ERI1: variants seen among roughly 807,000 people sequenced by gnomAD.
ERI1 encodes exoribonuclease 1.
ERI1 carries 39 observed loss-of-function variants against 39.7 expected under a neutral mutation model. The observed-to-expected ratio is 0.98, with a 90% confidence interval of 0.76 to 1.28. ERI1 has a LOEUF of 1.28. ERI1 is among the 50% of genes most tolerant of loss of function. The probability of loss-of-function intolerance (pLI) is 0.00; values close to 1 mark genes in which losing one functional copy is unlikely to be tolerated. For synonymous variants in ERI1, 204 were observed against 149.6 expected, an observed-to-expected ratio of 1.36 and a Z score of -2.65; for missense variants, 581 against 416.9, an observed-to-expected ratio of 1.39 and a Z score of -3.43.
chr8:9,043,601 C>G (rs1798089150), intron 3 of ERI1, among the ~76,000 whole-genome samples: 1 of 152,168 alleles, frequency 6.6e-6, no homozygotes, highest in South Asian at 2.1e-4. Flanking sequence ...ATAGATAGTT[C>G]TAGAAAATTA....
At chr8:9,035,983 G>T (rs771736180), downstream of ERI1, among the ~76,000 whole-genome samples, 2 of 152,106 alleles carry the variant, frequency 1.3e-5, no homozygotes, top group Non-Finnish European at 2.9e-5. Context: ...CTGCTGATGT[G>T]GTGGAAATAC....
intron 2 of ERI1, among the ~76,000 whole-genome samples, chr8:9,008,624 T>G (rs938568661): frequency 3.9e-5 from 6 of 152,248 alleles, no homozygotes; most frequent in African/African-American, 1.4e-4. Flanking sequence ...GCATTATGTT[T>G]CACTGTATAT....
intron 1 of ERI1, chr8:9,004,365 T>C (rs998993534): frequency 1.2e-5 from 11 of 935,106 alleles, no homozygotes; most frequent in Non-Finnish European, 1.5e-5. Flanking sequence ...ATATGCTTCT[T>C]TATATTTGAA....
At chr8:9,009,598 G>C (rs1816448379) in intron 2 of ERI1, among the ~76,000 whole-genome samples, 1 of 152,096 alleles carries the variant, frequency 6.6e-6, no homozygotes, top group Non-Finnish European at 1.5e-5. Flanking sequence ...GGAGTGCAGT[G>C]GTGTGATCTC....
intron 6 of ERI1, among the ~76,000 whole-genome samples, chr8:9,026,852 C>G (rs555072877): frequency 3.6e-5 from 5 of 138,974 alleles, no homozygotes; most frequent in African/African-American, 1.1e-4. Flanking sequence ...TTAACCTGTA[C>G]CACGTTAAAA....
chr8:9,009,795 G>T (rs1816473305), intron 2 of ERI1, among the ~76,000 whole-genome samples: 1 of 152,160 alleles, frequency 6.6e-6, no homozygotes, highest in Admixed American at 6.5e-5. Flanking sequence ...CCCTCCCAAA[G>T]TGCTGAGATT....
chr8:9,059,075 G>A (rs1158851469), intron 3 of ERI1, among the ~76,000 whole-genome samples: 3 of 152,046 alleles, frequency 2.0e-5, no homozygotes, highest in East Asian at 3.9e-4. Flanking sequence ...GAAAAAGCGG[G>A]GTTGTTCTCT....
At chr8:9,062,184 A>T (rs1402194041) in intron 3 of ERI1, among the ~76,000 whole-genome samples, 2 of 152,092 alleles carry the variant, frequency 1.3e-5, no homozygotes, top group Middle Eastern at 3.2e-3. Context: ...GGGACAGGAT[A>T]TTGGCATTGA....
At chr8:9,009,881 G>A (rs1171185899) in intron 2 of ERI1, among the ~76,000 whole-genome samples, 1 of 152,182 alleles carries the variant, frequency 6.6e-6, no homozygotes, top group Admixed American at 6.5e-5. Flanking sequence ...TATACCTCAG[G>A]AACATGTGAC....
intron 3 of ERI1, among the ~76,000 whole-genome samples, chr8:9,074,681 G>A (rs1468294510): frequency 2.0e-5 from 3 of 152,150 alleles, no homozygotes; most frequent in African/African-American, 2.4e-5. Context: ...TGATCCTCCC[G>A]TCTTGGGCTT....
At chr8:9,045,235 C>CAAAAA (rs5889258) in intron 3 of ERI1, among the ~76,000 whole-genome samples, 19 of 75,642 alleles carry the variant, frequency 2.5e-4, no homozygotes, top group South Asian at 5.0e-4. Flanking sequence ...GACTCTGTCT[C>CAAAAA]AAAAAAAAAA....
chr8:9,091,412 T>G (rs917782099), intron 3 of ERI1: 1 of 152,124 alleles, frequency 6.6e-6, no homozygotes, highest in African/African-American at 2.4e-5. Flanking sequence ...TCTCAGTTAC[T>G]TGGGAGGCTG....
chr8:9,071,927 G>T (rs992113028), intron 3 of ERI1, among the ~76,000 whole-genome samples: 1 of 152,166 alleles, frequency 6.6e-6, no homozygotes, highest in Non-Finnish European at 1.5e-5. Context: ...ATTAGCAAGC[G>T]TGGTGGTGCG....
At chr8:9,013,324 T>TAAAA (rs34377572) in intron 3 of ERI1, among the ~76,000 whole-genome samples, 8 of 137,474 alleles carry the variant, frequency 5.8e-5, no homozygotes, top group African/African-American at 1.1e-4. Context: ...CATTCTCACT[T>TAAAA]AAAAAAAAAA....
intron 3 of ERI1, among the ~76,000 whole-genome samples, chr8:9,081,076 C>T (rs1336069335): frequency 6.6e-6 from 1 of 152,130 alleles, no homozygotes; most frequent in Admixed American, 6.5e-5. Context: ...AAGCAAGGCA[C>T]GTCTTACATG....
chr8:9,055,009 A>G (rs1798461712), intron 3 of ERI1, among the ~76,000 whole-genome samples: 2 of 152,244 alleles, frequency 1.3e-5, no homozygotes, highest in African/African-American at 4.8e-5. Flanking sequence ...CTGTTAAAAG[A>G]AAAACTTCAG....
At chr8:9,012,244 C>G (rs1320353841) in intron 3 of ERI1, among the ~76,000 whole-genome samples, 1 of 152,238 alleles carries the variant, frequency 6.6e-6, no homozygotes. Context: ...ACCTCTCTCT[C>G]TGGTGGAAAG....
chr8:9,044,461 T>G (rs1007369873), intron 3 of ERI1, among the ~76,000 whole-genome samples: 21 of 152,230 alleles, frequency 1.4e-4, no homozygotes, highest in African/African-American at 5.1e-4. Context: ...GAGTTCACAC[T>G]GGCCCCCATA....
At chr8:9,034,032 T>G (rs928119846), downstream of ERI1, among the ~76,000 whole-genome samples, 10 of 152,218 alleles carry the variant, frequency 6.6e-5, no homozygotes, top group African/African-American at 2.4e-4. Context: ...GAGAACGATT[T>G]TTGCTTTAAA....
Sources: allele counts gnomAD v4.1 joint callset (sites outside exome capture counted in the v4.1 genomes callset), GRCh38; gene constraint gnomAD v4.1.1; transcripts MANE v1.5; gene names NCBI Gene and HGNC (gene_info 2026-07-23, HGNC 2026-07-21).